GATAD2A: variants seen among roughly 807,000 people sequenced by gnomAD.
GATAD2A encodes the protein transcriptional repressor p66-alpha.
A neutral mutation model predicts 68.5 loss-of-function variants in GATAD2A; 12 were observed. The ratio of observed to expected loss-of-function variants is 0.18; its 90% CI spans 0.11 to 0.28. GATAD2A has a LOEUF of 0.28. GATAD2A is among the 10% of genes least tolerant of loss of function. The pLI is 1.00. For synonymous variants in GATAD2A, 410 were observed against 375.3 expected (o/e 1.09, Z -1.07); for missense variants, 755 against 868.5 (o/e 0.87, Z 1.64).
intron 1 of GATAD2A, among the ~76,000 whole-genome samples, chr19:19,455,333 A>G (rs1189067765): frequency 6.6e-6 from 1 of 152,084 alleles, no homozygotes; most frequent in Non-Finnish European, 1.5e-5. Flanking sequence ...CTACTAAAAT[A>G]CAAAAAGTTA....
At chr19:19,412,227 C>T (rs984063919) in intron 1 of GATAD2A, among the ~76,000 whole-genome samples, 9 of 151,632 alleles carry the variant, frequency 5.9e-5, no homozygotes, top group African/African-American at 1.9e-4. Flanking sequence ...GCGATCTCAG[C>T]TCACTGCAAG....
At chr19:19,492,520 C>T (rs2059866362) in intron 3 of GATAD2A, 61 bp from the exon 4 acceptor site, 2 of 1,610,558 alleles carry the variant, frequency 1.2e-6, no homozygotes, top group Non-Finnish European at 1.7e-6. Context: ...CTAGTGATGG[C>T]AGGGCCTCTG....
rs2060004984 is a variant in GATAD2A, at chr19:19,494,380, C to A, written c.621C>A (p.Leu207=). 1.9e-6 allele frequency: 3 copies of A among 1,597,300 alleles called. No individual in the cohort carries two copies. In the African/African-American group the frequency reaches 4.0e-5, roughly 21 times the overall value. The change falls in exon 5 of 12, where the codon CTC becomes CTA. Residue 207 remains leucine, a synonymous_variant. Coordinates refer to ENST00000683918, the MANE Select transcript of GATAD2A (RefSeq NM_001384528.1). ...ACATTCCTGCTGGCAAGCCATCACT[C>A]CAGGTCAGTGTCCTTTCTGCGTCTC... The part of the protein sequence containing the change: ...TQNIPAGKPS[L]QTSSARMPGS...
chr19:19,472,264 C>A (rs1185187287), intron 2 of GATAD2A: 3 of 151,972 alleles, frequency 2.0e-5, no homozygotes, highest in Non-Finnish European at 4.4e-5. Flanking sequence ...GGGAGAGTCT[C>A]TTTCTTTCAA....
chr19:19,460,652 C>T (rs1600187908), intron 1 of GATAD2A, among the ~76,000 whole-genome samples: 1 of 152,182 alleles, frequency 6.6e-6, no homozygotes, highest in South Asian at 2.1e-4. Context: ...CTGCTCCTCC[C>T]CATCTCAGAA....
upstream of GATAD2A, among the ~76,000 whole-genome samples, chr19:19,403,497 C>T (rs2049943920): frequency 6.6e-6 from 1 of 152,054 alleles, no homozygotes; most frequent in African/African-American, 2.4e-5. Context: ...CAGGCCCTGT[C>T]ACCAGTGCAC....
chr19:19,471,600 G>C (rs1326092524), intron 2 of GATAD2A, among the ~76,000 whole-genome samples: 1 of 152,232 alleles, frequency 6.6e-6, no homozygotes, highest in African/African-American at 2.4e-5. Flanking sequence ...TCGTGGTGAT[G>C]ATTGCACAAA....
At chr19:19,439,191 G>A (rs1231676389) in intron 1 of GATAD2A, among the ~76,000 whole-genome samples, 2 of 152,196 alleles carry the variant, frequency 1.3e-5, no homozygotes, top group African/African-American at 2.4e-5. Flanking sequence ...TATTCTTATG[G>A]GCACAGGGGC....
At chr19:19,477,007 G>C (rs913740123) in intron 2 of GATAD2A, among the ~76,000 whole-genome samples, 5 of 152,186 alleles carry the variant, frequency 3.3e-5, no homozygotes, top group Non-Finnish European at 7.3e-5. Context: ...GAATCTCTGT[G>C]TGGCCTGGGA....
intron 2 of GATAD2A, among the ~76,000 whole-genome samples, chr19:19,470,148 T>A (rs1400801194): frequency 1.3e-4 from 18 of 136,392 alleles, no homozygotes; most frequent in Non-Finnish European, 6.4e-5. Context: ...ACTTTATTTT[T>A]TTTTTTGTTT....
chr19:19,439,274 C>T (rs923151926), intron 1 of GATAD2A, among the ~76,000 whole-genome samples: 6 of 152,166 alleles, frequency 3.9e-5, no homozygotes, highest in African/African-American at 9.7e-5. Flanking sequence ...TAAGCAGGCA[C>T]GCACTGCCTA....
At chr19:19,415,094 C>T (rs1455565852) in intron 1 of GATAD2A, among the ~76,000 whole-genome samples, 6 of 125,478 alleles carry the variant, frequency 4.8e-5, no homozygotes, top group Non-Finnish European at 9.9e-5. Flanking sequence ...CCGCCCCCCT[C>T]CCCCCAAAAA....
intron 2 of GATAD2A, among the ~76,000 whole-genome samples, chr19:19,488,700 G>T (rs1010844856): frequency 2.2e-4 from 34 of 152,244 alleles, no homozygotes; most frequent in African/African-American, 8.0e-4. Flanking sequence ...GTCAGGGAGT[G>T]GGGGTGGTGC....
At chr19:19,432,379 G>T (rs980288593) in intron 1 of GATAD2A, among the ~76,000 whole-genome samples, 1 of 152,140 alleles carries the variant, frequency 6.6e-6, no homozygotes, top group African/African-American at 2.4e-5. Flanking sequence ...TCAGCTCACT[G>T]CAACCTCTGC....
chr19:19,485,390 G>C (rs796426443), intron 2 of GATAD2A, among the ~76,000 whole-genome samples: 17 of 152,234 alleles, frequency 1.1e-4, no homozygotes, highest in Non-Finnish European at 1.9e-4. Context: ...CTTTGCAGTT[G>C]CATGTCAGCT....
At chr19:19,414,813 G>A (rs1370818272) in intron 1 of GATAD2A, among the ~76,000 whole-genome samples, 4 of 148,032 alleles carry the variant, frequency 2.7e-5, no homozygotes, top group Non-Finnish European at 5.9e-5. Context: ...AGGATTACAG[G>A]TGTGAGCCAC....
At chr19:19,457,850 T>C (rs4808203) in intron 1 of GATAD2A, among the ~76,000 whole-genome samples, 53,912 of 151,914 alleles carry the variant, frequency 0.35, 9,826 homozygotes, top group South Asian at 0.51. Context: ...TAGCCTGGAC[T>C]TTCACCCAGC....
Position 19,501,341 on chromosome 19 carries a change from G to C in GATAD2A, c.1428G>C (p.Arg476=). Residue 476 remains arginine (R), a synonymous_variant, in exon 9 of 12, where the codon CGG becomes CGC. Coordinates refer to ENST00000683918, the MANE Select transcript of GATAD2A (RefSeq NM_001384528.1). ...ALQQEQEIEQ[R]LLQQGTAPAQ... Reference sequence around the variant, plus strand: ...AGCAGGAACAGGAGATTGAGCAGCGGCTCCTGCAGCAGGGCACGGCCCCTG... The same window carrying C: ...AGCAGGAACAGGAGATTGAGCAGCGCCTCCTGCAGCAGGGCACGGCCCCTG... 1 of 1,612,372 alleles carries C rather than the reference G, an allele frequency of 6.2e-7. No individual in the cohort carries two copies. Among genetic ancestry groups the C allele is most frequent in the Non-Finnish European group, 8.5e-7 (1 of 1,179,692 alleles).
intron 1 of GATAD2A, among the ~76,000 whole-genome samples, chr19:19,460,391 A>G (rs2057324885): frequency 6.6e-6 from 1 of 152,134 alleles, no homozygotes; most frequent in Non-Finnish European, 1.5e-5. Flanking sequence ...TTGTGTCTTG[A>G]GTGTTGGGCG....
Sources: allele counts gnomAD v4.1 joint callset (sites outside exome capture counted in the v4.1 genomes callset), GRCh38; gene constraint gnomAD v4.1.1; transcripts MANE v1.5; gene names NCBI Gene and HGNC (gene_info 2026-07-23, HGNC 2026-07-21).